The following ETV6 variants were observed in gnomAD, a reference collection of about 807,000 sequenced individuals.
ETV6 encodes the protein transcription factor ETV6.
ETV6 carries 16 observed loss-of-function variants against 51.1 expected under a neutral mutation model. The observed-to-expected ratio is 0.31, with a 90% CI of 0.21 to 0.48. ETV6 has a LOEUF of 0.48. Ranked by LOEUF, ETV6 falls within the 20% of genes least tolerant of loss-of-function variation. The pLI is 0.99. For synonymous variants in ETV6, 240 were observed against 224.1 expected, an observed-to-expected ratio of 1.07 and a Z score of -0.64; for missense variants, 458 against 594.8, an observed-to-expected ratio of 0.77 and a Z score of 2.39.
intron 1 of ETV6, among the ~76,000 whole-genome samples, chr12:11,713,311 C>A (rs1865207642): frequency 6.6e-6 from 1 of 152,156 alleles, no homozygotes; most frequent in African/African-American, 2.4e-5. Context: ...TTGGTAATCA[C>A]CTTTTTAGAT....
intron 1 of ETV6, among the ~76,000 whole-genome samples, chr12:11,714,037 G>A (rs1261675610): frequency 2.0e-5 from 3 of 152,218 alleles, no homozygotes; most frequent in African/African-American, 4.8e-5. Context: ...AGGACCCACA[G>A]ATGATGCATA....
At chr12:11,884,382 T>A in intron 5 of ETV6, 63 bp from the exon 6 acceptor site, 3 of 1,579,036 alleles carry the variant, frequency 1.9e-6, no homozygotes, top group Non-Finnish European at 2.6e-6. Context: ...TTTTTGATTC[T>A]TCTGGTTAGT....
At position 11,869,806 on chromosome 12, in the gene ETV6, G is replaced by A. The variant is rs773706676; in HGVS notation, c.846G>A (p.Arg282=). 1 of 1,613,078 alleles carries A rather than the reference G, an allele frequency of 6.2e-7. No homozygotes were observed. Among genetic ancestry groups the A allele is most frequent in the Admixed American group, 1.7e-5 (1 of 60,000 alleles). The change falls in exon 5 of 8, where the codon CGG becomes CGA. Residue 282 remains arginine, a synonymous_variant. Coordinates refer to ENST00000396373, the MANE Select transcript of ETV6 (RefSeq NM_001987.5). The surrounding 1 kb of genome is among the most constrained non-coding windows in gnomAD (Gnocchi z 5.0). ...PIMHPLILNP[R]HSVDFKQSRL... Reference sequence around the variant, plus strand: ...TGCACCCTCTGATCCTGAACCCCCGGCACTCCGTGGATTTCAAACAGTCCA... The same window carrying A: ...TGCACCCTCTGATCCTGAACCCCCGACACTCCGTGGATTTCAAACAGTCCA...
At chr12:11,710,951 C>G (rs146397205) in intron 1 of ETV6, among the ~76,000 whole-genome samples, 1 of 152,320 alleles carries the variant, frequency 6.6e-6, no homozygotes, top group African/African-American at 2.4e-5. Context: ...CCCATTGAGA[C>G]TAAGTGGAGA....
chr12:11,775,609 G>A (rs1565521507), intron 2 of ETV6, among the ~76,000 whole-genome samples: 1 of 152,280 alleles, frequency 6.6e-6, no homozygotes, highest in East Asian at 1.9e-4. Context: ...ATCTAGAGGG[G>A]AGACTCCACC....
At chr12:11,775,925 A>G (rs1298726445) in intron 2 of ETV6, among the ~76,000 whole-genome samples, 1 of 152,182 alleles carries the variant, frequency 6.6e-6, no homozygotes, top group Non-Finnish European at 1.5e-5. Flanking sequence ...GGGTCTGTCT[A>G]ACCTGGTATT....
chr12:11,853,387 T>A, intron 3 of ETV6, 40 bp from the exon 4 acceptor site: 1 of 1,613,182 alleles, frequency 6.2e-7, no homozygotes, highest in Middle Eastern at 1.7e-4. Flanking sequence ...TGGAAAAACA[T>A]CTTTCCATTT....
rs72398611 is a variant in ETV6, at chr12:11,714,650, A to AG, written c.34-37800_34-37799insG. 6.0e-3 allele frequency among the ~76,000 whole-genome samples: 197 copies of AG among 32,794 alleles called. 22 individuals are homozygous for AG. Among genetic ancestry groups the AG allele is most frequent in the East Asian group, 0.015 (15 of 1,006 alleles). The allele number at this position is 32,794 out of a possible 152,430, so 21.5% of individuals were successfully genotyped here. A position where few individuals can be genotyped will look rare whatever the true frequency, so the allele number is the denominator to read the frequency against. On this transcript the variant is annotated intron_variant, in intron 1 of 7. Transcript: ENST00000396373. ...AGGTAAGTAATCATACCTTGAGGTGAAAAAAAAAAAAAAAAAAAAAAAGAT... is the reference window on the plus strand; with the variant it reads ...AGGTAAGTAATCATACCTTGAGGTGAGAAAAAAAAAAAAAAAAAAAAAAGAT...
chr12:11,733,047 C>T (rs1003979495), intron 1 of ETV6, among the ~76,000 whole-genome samples: 1 of 152,060 alleles, frequency 6.6e-6, no homozygotes, highest in Non-Finnish European at 1.5e-5. Context: ...TCTGTTTCTC[C>T]ATTGATGAAA....
intron 2 of ETV6, among the ~76,000 whole-genome samples, chr12:11,755,528 T>C (rs1012644206): frequency 3.3e-5 from 5 of 152,090 alleles, no homozygotes; most frequent in Non-Finnish European, 7.4e-5. Context: ...TGAGCTTCTG[T>C]CCTCCCGCTC....
chr12:11,892,898 C>CTCT lies in ETV6; in HGVS notation c.*1855_*1857dup. 8.6e-6 allele frequency: 2 copies of CTCT among 233,150 alleles called. No homozygotes were observed. Among genetic ancestry groups the CTCT allele is most frequent in the Non-Finnish European group, 1.7e-5 (2 of 117,978 alleles). 14.4% of individuals were successfully genotyped at this position (233,150 alleles called of 1,614,324 possible). ...TGGAATTGAGGAGCTGATCAAGGCTCTCTTCAGCCTTGCTCTGTCCCTGCC... is the reference window on the plus strand; with the variant it reads ...TGGAATTGAGGAGCTGATCAAGGCTCTCTTCTTCAGCCTTGCTCTGTCCCTGCC... On this transcript the variant is annotated 3_prime_UTR_variant, in exon 8 of 8. Transcript: ENST00000396373.
At chr12:11,729,918 G>GT (rs1555119981) in intron 1 of ETV6, among the ~76,000 whole-genome samples, 1 of 152,102 alleles carries the variant, frequency 6.6e-6, no homozygotes, top group Non-Finnish European at 1.5e-5. Context: ...ATCCCTATGT[G>GT]TTTTTTGCTG....
chr12:11,740,506 A>G (rs1865788784), intron 1 of ETV6, among the ~76,000 whole-genome samples: 1 of 152,226 alleles, frequency 6.6e-6, no homozygotes. Context: ...TACCCACTCT[A>G]GTAGTTTGAA....
At chr12:11,768,642 T>C (rs919970054) in intron 2 of ETV6, among the ~76,000 whole-genome samples, 2 of 152,204 alleles carry the variant, frequency 1.3e-5, no homozygotes, top group African/African-American at 2.4e-5. Flanking sequence ...ATAGTCTGCA[T>C]ACTCTCGAAA....
intron 7 of ETV6, among the ~76,000 whole-genome samples, chr12:11,886,937 G>A (rs1351234176): frequency 6.6e-6 from 1 of 152,196 alleles, no homozygotes; most frequent in African/African-American, 2.4e-5. Context: ...GATGGGGCTA[G>A]AGATGTAGAT....
intron 4 of ETV6, among the ~76,000 whole-genome samples, chr12:11,858,304 T>C (rs1430100388): frequency 6.6e-6 from 1 of 152,190 alleles, no homozygotes; most frequent in Non-Finnish European, 1.5e-5. Context: ...TAAATGACTA[T>C]AAAATAAATT....
chr12:11,680,078 A>G (rs1281069192), intron 1 of ETV6, among the ~76,000 whole-genome samples: 1 of 152,214 alleles, frequency 6.6e-6, no homozygotes, highest in Non-Finnish European at 1.5e-5. Context: ...TTCTCTGGCT[A>G]TAAGGGCATT....
At chr12:11,651,272 A>C (rs879838139) in intron 1 of ETV6, among the ~76,000 whole-genome samples, 3 of 152,230 alleles carry the variant, frequency 2.0e-5, no homozygotes, top group Admixed American at 2.0e-4. Flanking sequence ...GCAACAATGA[A>C]CAAATAACCT....
intron 1 of ETV6, chr12:11,751,326 T>C (rs781418816): frequency 1.9e-6 from 1 of 518,776 alleles, no homozygotes; most frequent in South Asian, 1.4e-5. Context: ...AAATGTACGA[T>C]TTTCTTTTGC....
Sources: allele counts gnomAD v4.1 joint callset (sites outside exome capture counted in the v4.1 genomes callset), GRCh38; gene constraint gnomAD v4.1.1; non-coding constraint Gnocchi (gnomAD v3.1); transcripts MANE v1.5; gene names NCBI Gene and HGNC (gene_info 2026-07-23, HGNC 2026-07-21).